Variants in ESRRG observed in about 807,000 individuals in gnomAD.
ESRRG encodes the protein estrogen related receptor gamma.
In ESRRG, 13 loss-of-function variants were observed where a neutral mutation model predicts 44.0. The observed-to-expected ratio is 0.30, with a 90% CI of 0.19 to 0.47. The LOEUF (loss-of-function observed/expected upper bound fraction) is 0.47. ESRRG is among the 20% of genes least tolerant of loss of function. ESRRG has a pLI of 1.00. For synonymous variants in ESRRG, 215 were observed against 214.6 expected (o/e 1.00, Z -0.02); for missense variants, 395 against 580.6 (o/e 0.68, Z 3.29).
intron 1 of ESRRG, among the ~76,000 whole-genome samples, chr1:217,039,339 C>G (rs1201842213): frequency 6.6e-6 from 1 of 152,144 alleles, no homozygotes; most frequent in Non-Finnish European, 1.5e-5. Context: ...CGTTTTCATG[C>G]TGCTGATAAA....
intron 1 of ESRRG, chr1:216,707,445 A>T (rs1409116153): frequency 6.5e-7 from 1 of 1,535,652 alleles, no homozygotes; most frequent in Non-Finnish European, 8.7e-7. Context: ...ATCTAAATGC[A>T]CAATTCCTAA....
In ESRRG at chr1:216,579,750, A is replaced by G. The variant is rs567562645; in HGVS notation, c.590-11652T>C. The stretch of plus-strand genomic sequence containing the variant: ...TCTCTAAATTCTAGTGTGTGCCAAG[A>G]AAAAAACAAACACATTTTCCCATTC... On this transcript the variant is annotated intron_variant, in intron 3 of 6. Transcript: ENST00000408911. 1.2e-3 allele frequency among the ~76,000 whole-genome samples: 189 copies of G among 152,234 alleles called. 1 individual carries two copies. Among genetic ancestry groups the G allele is most frequent in the African/African-American group, 4.3e-3 (180 of 41,546 alleles).
intron 2 of ESRRG, among the ~76,000 whole-genome samples, chr1:216,889,015 A>G (rs1356590115): frequency 1.3e-5 from 2 of 152,228 alleles, no homozygotes; most frequent in African/African-American, 4.8e-5. Context: ...GAAGAATGAG[A>G]AAAGGTAAAG....
At chr1:216,614,624 C>A (rs967042440) in intron 3 of ESRRG, among the ~76,000 whole-genome samples, 1 of 152,108 alleles carries the variant, frequency 6.6e-6, no homozygotes, top group Non-Finnish European at 1.5e-5. Context: ...ATGTCAGTAT[C>A]AAAATAAAGT....
chr1:217,001,989 C>A (rs1460629216), intron 1 of ESRRG, among the ~76,000 whole-genome samples: 1 of 149,340 alleles, frequency 6.7e-6, no homozygotes, highest in African/African-American at 2.4e-5. Context: ...AAGTTTGGCA[C>A]CATTATAATT....
intron 1 of ESRRG, among the ~76,000 whole-genome samples, chr1:216,993,515 T>C (rs752242609): frequency 8.5e-5 from 13 of 152,128 alleles, no homozygotes; most frequent in African/African-American, 2.9e-4. Context: ...TTAAGAACCA[T>C]CTCTGAGTCA....
chr1:217,121,900 A>G (rs1368292309), intron 1 of ESRRG, among the ~76,000 whole-genome samples: 1 of 152,242 alleles, frequency 6.6e-6, no homozygotes. Context: ...AGATGTGGCC[A>G]TATGACTAAG....
chr1:216,638,254 AT>A (rs2065699002), intron 3 of ESRRG, among the ~76,000 whole-genome samples: 1 of 152,208 alleles, frequency 6.6e-6, no homozygotes, highest in Non-Finnish European at 1.5e-5. Flanking sequence ...CCTCAAAGCT[AT>A]CCTCTGATGT....
intron 2 of ESRRG, among the ~76,000 whole-genome samples, chr1:216,808,834 T>C (rs989031718): frequency 2.0e-5 from 3 of 152,206 alleles, no homozygotes; most frequent in Non-Finnish European, 1.5e-5. Context: ...AATTTGACCA[T>C]TCCTCAGTTG....
At chr1:216,693,607 G>A (rs1488499592) in intron 1 of ESRRG, among the ~76,000 whole-genome samples, 1 of 152,130 alleles carries the variant, frequency 6.6e-6, no homozygotes, top group Admixed American at 6.6e-5. Flanking sequence ...TGGATTATTC[G>A]TAATACCTAA....
chr1:216,867,491 T>A (rs889636657), intron 2 of ESRRG, among the ~76,000 whole-genome samples: 13 of 152,160 alleles, frequency 8.5e-5, no homozygotes, highest in Non-Finnish European at 1.9e-4. Context: ...TAGGGGATAT[T>A]TAACTACTTA....
In ESRRG at chr1:217,118,543, C is replaced by T. The variant is rs17045289; in HGVS notation, c.-230+19124G>A. ...GTTCATTCAAGTAAGCCACTGTTCCCTCTGCTCACATTAGAAAGGGATTAT... is the reference window on the plus strand; with the variant it reads ...GTTCATTCAAGTAAGCCACTGTTCCTTCTGCTCACATTAGAAAGGGATTAT... On this transcript the variant is annotated intron_variant, in intron 1 of 8. Coordinates refer to the ESRRG transcript ENST00000366940. Among the ~76,000 whole-genome samples, 1,308 of 152,276 alleles carry T rather than the reference C, an allele frequency of 8.6e-3. 17 individuals are homozygous for T. Among genetic ancestry groups the T allele is most frequent in the African/African-American group, 0.029 (1,204 of 41,536 alleles).
At chr1:216,779,271 T>A (rs1171720327) in intron 2 of ESRRG, among the ~76,000 whole-genome samples, 16 of 38,732 alleles carry the variant, frequency 4.1e-4, no homozygotes, top group Non-Finnish European at 6.2e-4. Context: ...AAATATATAT[T>A]TATATTTATA....
At chr1:217,110,574 C>T (rs1418769309) in intron 1 of ESRRG, among the ~76,000 whole-genome samples, 1 of 152,086 alleles carries the variant, frequency 6.6e-6, no homozygotes. Flanking sequence ...AAGAAGCTTA[C>T]AATCATGGTG....
intron 3 of ESRRG, among the ~76,000 whole-genome samples, chr1:216,603,378 A>G (rs2059496441): frequency 6.6e-6 from 1 of 152,222 alleles, no homozygotes; most frequent in African/African-American, 2.4e-5. Context: ...TAGCATGCAA[A>G]TATTTGTTAT....
At chr1:216,559,760 T>C (rs1238029352) in intron 5 of ESRRG, among the ~76,000 whole-genome samples, 1 of 152,202 alleles carries the variant, frequency 6.6e-6, no homozygotes, top group African/African-American at 2.4e-5. Flanking sequence ...ATTTTAAAAA[T>C]GAAACCTCCA....
chr1:216,525,428 C>T (rs182249748), intron 5 of ESRRG, among the ~76,000 whole-genome samples: 76 of 152,204 alleles, frequency 5.0e-4, no homozygotes, highest in Non-Finnish European at 1.6e-4. Flanking sequence ...TCTTACTTGA[C>T]CTCAAGTTTA....
At chr1:217,121,922 G>A (rs1353651059) in intron 1 of ESRRG, among the ~76,000 whole-genome samples, 1 of 152,212 alleles carries the variant, frequency 6.6e-6, no homozygotes, top group Non-Finnish European at 1.5e-5. Flanking sequence ...TCTTGATGGT[G>A]TAATAGGAGC....
At chr1:216,513,401 A>T (rs1299530485) in intron 6 of ESRRG, among the ~76,000 whole-genome samples, 5 of 152,204 alleles carry the variant, frequency 3.3e-5, no homozygotes, top group Non-Finnish European at 7.3e-5. Flanking sequence ...TGATTTTAAA[A>T]TCGAAAATAG....
Sources: gnomAD v4.1 joint callset for allele counts (sites outside exome capture counted in the v4.1 genomes callset) on GRCh38, gnomAD v4.1.1 for gene constraint, MANE v1.5 for transcripts, NCBI Gene and HGNC (gene_info 2026-07-23, HGNC 2026-07-21) for gene names.